Variants in CEP131 observed in about 807,000 individuals in gnomAD.
CEP131 encodes the protein centrosomal protein of 131 kDa.
A neutral mutation model predicts 136.8 loss-of-function variants in CEP131; 99 were observed. The observed-to-expected ratio is 0.72, with a 90% CI of 0.62 to 0.86. CEP131 has a LOEUF of 0.86. Among genes scored for constraint, CEP131 ranks in the 40% least tolerant of loss-of-function variants. The pLI is 0.00. For synonymous variants in CEP131, 646 were observed against 612.7 expected (o/e 1.05, Z -0.80); for missense variants, 1,459 against 1,463.0 (o/e 1.00, Z 0.04).
At chr17:81,217,306 G>A (rs911854560) in intron 2 of CEP131, among the ~76,000 whole-genome samples, 15 of 152,174 alleles carry the variant, frequency 9.9e-5, no homozygotes, top group Admixed American at 3.3e-4. Flanking sequence ...ACAGCAGGCC[G>A]TGGACGCAGG....
chr17:81,190,045 A>C, intron 24 of CEP131, 70 bp from the exon 25 acceptor site: 6 of 1,408,108 alleles, frequency 4.3e-6, no homozygotes, highest in Non-Finnish European at 5.8e-6. Flanking sequence ...TGCAGTGCAC[A>C]GGGTGCACGG....
In CEP131 at chr17:81,203,586, G is replaced by A; in HGVS notation, c.537C>T (p.Gly179=). 6.2e-7 allele frequency: 1 copy of A among 1,601,484 alleles called. No homozygotes were observed. The highest frequency in any genetic ancestry group is 8.5e-7 in the Non-Finnish European group (1 of 1,174,766). ...ANNRSNKGAV[G]NCVTTMVHNR... ...TGTGCACCATGGTGGTGACGCAGTT[G>A]CCCACTGCTCCCTTGTTGCTCCTGC... Residue 179 remains glycine (G), a synonymous_variant, in exon 6 of 26, where the codon GGC becomes GGT. Transcript: ENST00000450824. This position sits in a 1 kb window ranked among gnomAD's most constrained non-coding sequence, Gnocchi z 4.6.
chr17:81,210,518 C>T (rs113826694), intron 2 of CEP131, among the ~76,000 whole-genome samples: 8,532 of 152,082 alleles, frequency 0.056, 329 homozygotes, highest in Non-Finnish European at 0.088. Context: ...TGCAGTGAGC[C>T]GAGATTGGGC....
At chr17:81,198,768 C>A (rs1015599189) in intron 11 of CEP131, 109 bp downstream of exon 11, 2 of 1,150,178 alleles carry the variant, frequency 1.7e-6, no homozygotes, top group Non-Finnish European at 2.5e-6. Context: ...TTAAGTGGCC[C>A]CTAGAGCAGA....
chr17:81,206,263 C>T (rs944223248), intron 5 of CEP131, among the ~76,000 whole-genome samples: 1 of 152,080 alleles, frequency 6.6e-6, no homozygotes, highest in African/African-American at 2.4e-5. Context: ...AGAATAACCA[C>T]ACGGTCTCTC....
chr17:81,197,042 TCCGGCACCCACC>T lies in CEP131; in HGVS notation c.1649_1660del (p.Gly550_Pro553del). On this transcript the variant is annotated inframe_deletion and splice_region_variant, in exon 14 of 26. Coordinates refer to ENST00000450824, the MANE Select transcript of CEP131 (RefSeq NM_014984.4). ...CAGCTCCAGGGGCCCCGGCCCCGCCTCCGGCACCCACCCCTGCAGACACAGCCGAGCGTCAGG... is the reference window on the plus strand; with the variant it reads ...CAGCTCCAGGGGCCCCGGCCCCGCCTCCTGCAGACACAGCCGAGCGTCAGG... The T allele has an allele frequency of 6.3e-7, 1 of 1,587,626 alleles. No homozygotes were observed. The highest frequency in any genetic ancestry group is 8.6e-7 in the Non-Finnish European group (1 of 1,167,280).
chr17:81,217,902 G>A lies in CEP131; in HGVS notation c.177+1978C>T, dbSNP rs1189325159. Among the ~76,000 whole-genome samples, 5 of 152,310 alleles carry A rather than the reference G, an allele frequency of 3.3e-5. No individual in the cohort carries two copies. The East Asian group carries it at 7.7e-4, about 24-fold the overall frequency. On this transcript the variant is annotated intron_variant, in intron 2 of 25. Transcript: ENST00000450824. ...TAGGTGCCTGGGTCGGCCGCGGATA[G>A]AGCCTGGCCATGCCGCCGAAAGACC...
At position 81,190,781 on chromosome 17, in the gene CEP131, C is replaced by G. The variant is rs548337721; in HGVS notation, c.2965G>C (p.Glu989Gln). 6.2e-7 allele frequency: 1 copy of G among 1,610,054 alleles called. No homozygotes were observed. Among genetic ancestry groups the G allele is most frequent in the African/African-American group, 1.3e-5 (1 of 74,852 alleles). The change falls in exon 24 of 26, where the codon GAG (glutamate) becomes CAG (glutamine). Residue 989 changes from glutamate to glutamine, a missense_variant. By Grantham distance (29) the Glu-to-Gln change is conservative (BLOSUM62 2). This residue lies in a region of CEP131 where 1,026 missense variants were observed against 964.2 expected (regional missense o/e 1.06). Transcript: ENST00000450824. ...AQAVNEQLSS[E>Q]RSNLAQVIRQ... ...ATCACCTGGGCCAGGTTGCTGCGCTCGCTAGAAAGCTGCTCGTTCACCTGG... is the reference window on the plus strand; with the variant it reads ...ATCACCTGGGCCAGGTTGCTGCGCTGGCTAGAAAGCTGCTCGTTCACCTGG...
Position 81,206,870 on chromosome 17 carries a change from T to A in CEP131, c.389A>T (p.Asp130Val). The A allele has an allele frequency of 6.2e-7, 1 of 1,613,114 alleles. No individual in the cohort carries two copies. Among genetic ancestry groups the A allele is most frequent in the East Asian group, 2.2e-5 (1 of 44,846 alleles). The change falls in exon 5 of 26, where the codon GAT becomes GTT. Residue 130 changes from aspartate (D) to valine (V), a missense_variant and splice_region_variant. Physicochemically the swap from Asp to Val is radical, Grantham distance 152. Coordinates refer to ENST00000450824, the MANE Select transcript of CEP131 (RefSeq NM_014984.4). ...CAAGGTGAAGCCCCGGGGCTGGTCA[T>A]CCTGTCAGACAGCTCAGCCCATGAC... ...SEKGATWNVL[D>V]DQPRGFTLPS...
At position 81,200,433 on chromosome 17, in the gene CEP131, C is replaced by T. The variant is rs1368199610; in HGVS notation, c.802G>A (p.Val268Met). The change falls in exon 8 of 26, where the codon GTG (valine) becomes ATG (methionine). Residue 268 changes from valine to methionine, a missense_variant. Around this residue, in one of 3 missense-constraint regions of CEP131, gnomAD observed 246 missense variants for 318.9 expected, o/e 0.77. Transcript: ENST00000450824. ...EEEAERFIHQ[V>M]NQATVTIQRW... ...TGGATGGTGACAGTGGCCTGGTTCA[C>T]CTGGTGGATAAACCTGCCCGGAGAG... The T allele has an allele frequency of 2.1e-5, 33 of 1,550,582 alleles. No individual in the cohort carries two copies. Among genetic ancestry groups the T allele is most frequent in the Non-Finnish European group, 2.8e-5 (32 of 1,147,478 alleles).
intron 2 of CEP131, among the ~76,000 whole-genome samples, chr17:81,210,599 A>G (rs1358335116): frequency 6.6e-6 from 1 of 151,824 alleles, no homozygotes; most frequent in Non-Finnish European, 1.5e-5. Context: ...TCCAAATCAA[A>G]CATTTCAGGG....
intron 21 of CEP131, 143 bp from the exon 22 acceptor site, chr17:81,191,478 G>C: frequency 1.4e-6 from 1 of 736,712 alleles, no homozygotes; most frequent in Non-Finnish European, 2.3e-6. Context: ...CCCTGTCCAG[G>C]GGTGCGCTAC....
At chr17:81,207,934 AC>A (rs1461883258) in intron 3 of CEP131, among the ~76,000 whole-genome samples, 1 of 145,268 alleles carries the variant, frequency 6.9e-6, no homozygotes, top group Non-Finnish European at 1.5e-5. Context: ...CACACCACAC[AC>A]CATACACCAC....
At position 81,222,959 on chromosome 17, in the gene CEP131, G is replaced by GGCA. The variant is rs568491671; in HGVS notation, c.-211_-209dup. On this transcript the variant is annotated 5_prime_UTR_variant, in exon 1 of 26. Coordinates refer to ENST00000450824, the MANE Select transcript of CEP131 (RefSeq NM_014984.4). ...CCGGACGGCCGGGGTGAGCAGCGGC[G>GGCA]GCAGCTAGCAACCAGCCTGGCACCA... 102 of 152,552 alleles carry GGCA rather than the reference G, an allele frequency of 6.7e-4. No homozygotes were observed. Among genetic ancestry groups the GGCA allele is most frequent in the African/African-American group, 2.2e-3 (90 of 41,596 alleles). 9.4% of individuals were successfully genotyped at this position (152,552 alleles called of 1,614,324 possible). A position where few individuals can be genotyped will look rare whatever the true frequency, so the allele number is the denominator to read the frequency against.
At chr17:81,196,056 T>C in intron 15 of CEP131, 105 bp from the exon 16 acceptor site, 1 of 887,020 alleles carries the variant, frequency 1.1e-6, no homozygotes, top group Non-Finnish European at 1.7e-6. Context: ...ACAGCAGCCC[T>C]CCCCTGGGGC....
rs780806862 is a variant in CEP131, at chr17:81,207,248, G to A, written c.273-9C>T. ...CTGTGGGCTCCGTTGGCCTGCATCC[G>A]AGAGAGGGCGGCACACAAGGAAAGA... On this transcript the variant is annotated splice_polypyrimidine_tract_variant and intron_variant, in intron 3 of 25. Coordinates refer to ENST00000450824, the MANE Select transcript of CEP131 (RefSeq NM_014984.4). 22 of 1,611,540 alleles carry A rather than the reference G, an allele frequency of 1.4e-5. No homozygotes were observed. The highest frequency in any genetic ancestry group is 4.5e-5 in the East Asian group (2 of 44,870).
At position 81,199,415 on chromosome 17, in the gene CEP131, G is replaced by A. The variant is rs775092276; in HGVS notation, c.1158C>T (p.Gly386=). Residue 386 remains glycine, a synonymous_variant, in exon 10 of 26, where the codon GGC becomes GGT. Coordinates refer to ENST00000450824, the MANE Select transcript of CEP131 (RefSeq NM_014984.4). ...TGGCCTTGAGGGCCTGGTGGGCAGT[G>A]CCGCCTGGTGTGGGGGACAGCTCCT... ...PAQELSPTPG[G]TAHQALKANN... The A allele has an allele frequency of 1.9e-6, 3 of 1,605,854 alleles. No individual in the cohort carries two copies. Among genetic ancestry groups the A allele is most frequent in the South Asian group, 2.2e-5 (2 of 89,700 alleles).
chr17:81,199,091 G>A (rs1730964267), intron 10 of CEP131, 120 bp from the exon 11 acceptor site: 1 of 1,013,250 alleles, frequency 9.9e-7, no homozygotes, highest in Non-Finnish European at 1.4e-6. Context: ...AGAAGCAGAG[G>A]AGCCGCTGGG....
In CEP131 at chr17:81,190,901, A is replaced by G. The variant is rs765481340; in HGVS notation, c.2943+6T>C. Reference sequence around the variant, plus strand: ...CCCACTGCCCACCTGACACCCGCCCACTCACCGCCTGCGCATCCTCCAGCG... The same window carrying G: ...CCCACTGCCCACCTGACACCCGCCCGCTCACCGCCTGCGCATCCTCCAGCG... On this transcript the variant is annotated splice_donor_region_variant and intron_variant, in intron 23 of 25. Coordinates refer to ENST00000450824, the MANE Select transcript of CEP131 (RefSeq NM_014984.4). The G allele has an allele frequency of 6.3e-7, 1 of 1,599,980 alleles. No individual in the cohort carries two copies. The highest frequency in any genetic ancestry group is 1.1e-5 in the South Asian group (1 of 90,472).
Sources: allele counts gnomAD v4.1 joint callset (sites outside exome capture counted in the v4.1 genomes callset), GRCh38; gene constraint gnomAD v4.1.1; regional missense constraint gnomAD v4.1.1; non-coding constraint Gnocchi (gnomAD v3.1); transcripts MANE v1.5; gene names NCBI Gene and HGNC (gene_info 2026-07-23, HGNC 2026-07-21).